ADGRA3: variants seen among roughly 807,000 people sequenced by gnomAD.
The protein encoded by ADGRA3 is adhesion G protein-coupled receptor A3.
Under a neutral mutation model 119.8 loss-of-function variants are expected in ADGRA3, and 56 were observed. The ratio of observed to expected loss-of-function variants is 0.47; its 90% CI spans 0.38 to 0.58. The LOEUF is 0.58. Ranked by LOEUF, ADGRA3 falls within the 20% of genes least tolerant of loss-of-function variation. The pLI is 0.00. For missense variants in ADGRA3, 1,516 were observed against 1,649.0 expected (o/e 0.92, Z 1.40); for synonymous variants, 607 against 623.8 (o/e 0.97, Z 0.40).
At chr4:22,416,286 T>A (rs1478605897) in intron 12 of ADGRA3, among the ~76,000 whole-genome samples, 1 of 152,130 alleles carries the variant, frequency 6.6e-6, no homozygotes, top group Non-Finnish European at 1.5e-5. Flanking sequence ...TGGAAACAGA[T>A]AACAAACACA....
At chr4:22,468,319 C>T (rs561168801) in intron 2 of ADGRA3, among the ~76,000 whole-genome samples, 12 of 152,300 alleles carry the variant, frequency 7.9e-5, no homozygotes, top group South Asian at 2.1e-4. Flanking sequence ...ATTACCTTAG[C>T]GGCCTAGGGG....
At chr4:22,437,206 G>T (rs1294918134) in intron 8 of ADGRA3, among the ~76,000 whole-genome samples, 1 of 152,044 alleles carries the variant, frequency 6.6e-6, no homozygotes, top group East Asian at 1.9e-4. Flanking sequence ...AAATATTATA[G>T]ATCAATACCT....
chr4:22,464,807 T>TC (rs1717597477), intron 2 of ADGRA3, among the ~76,000 whole-genome samples: 2 of 152,290 alleles, frequency 1.3e-5, no homozygotes, highest in East Asian at 3.9e-4. Flanking sequence ...CTCCCAGCAG[T>TC]CCCCAGTATC....
rs539392479 is a variant in ADGRA3, at chr4:22,515,497, G to A, written c.257+31C>T. On this transcript the variant is annotated intron_variant, in intron 1 of 18. Transcript: ENST00000334304. Reference sequence around the variant, plus strand: ...GGAGAGATAAGAAAGAGCCGAGCGGGAGAGGACCCAGCGTCGCGGGAGATA... The same window carrying A: ...GGAGAGATAAGAAAGAGCCGAGCGGAAGAGGACCCAGCGTCGCGGGAGATA... 1.8e-5 allele frequency: 28 copies of A among 1,597,262 alleles called. No individual in the cohort carries two copies. The Middle Eastern group carries it at 6.7e-4, about 38-fold the overall frequency.
intron 14 of ADGRA3, among the ~76,000 whole-genome samples, chr4:22,412,260 A>G (rs1242572690): frequency 6.6e-6 from 1 of 152,128 alleles, no homozygotes; most frequent in East Asian, 1.9e-4. Context: ...CCTTGATGTC[A>G]GTATTTATAA....
At chr4:22,504,949 T>C (rs1719186419) in intron 1 of ADGRA3, among the ~76,000 whole-genome samples, 1 of 152,138 alleles carries the variant, frequency 6.6e-6, no homozygotes, top group African/African-American at 2.4e-5. Flanking sequence ...TTCTGTTGAT[T>C]CAAACGCAAG....
At chr4:22,511,050 A>G (rs1480329438) in intron 1 of ADGRA3, among the ~76,000 whole-genome samples, 1 of 152,160 alleles carries the variant, frequency 6.6e-6, no homozygotes, top group Non-Finnish European at 1.5e-5. Context: ...AACTCTACAC[A>G]CTATTTTAGT....
At chr4:22,513,347 G>A (rs1032968398) in intron 1 of ADGRA3, among the ~76,000 whole-genome samples, 2 of 151,618 alleles carry the variant, frequency 1.3e-5, no homozygotes, top group Admixed American at 1.3e-4. Flanking sequence ...TAGAGATGGG[G>A]CTTTAAGCAT....
chr4:22,471,979 A>G (rs1011162902), intron 2 of ADGRA3, among the ~76,000 whole-genome samples: 15 of 152,176 alleles, frequency 9.9e-5, no homozygotes, highest in African/African-American at 3.6e-4. Context: ...GTAGTAATTC[A>G]CACCACAGCA....
intron 10 of ADGRA3, among the ~76,000 whole-genome samples, chr4:22,432,143 A>C (rs2109054762): frequency 6.6e-6 from 1 of 152,290 alleles, no homozygotes; most frequent in African/African-American, 2.4e-5. Context: ...CCACCTAAAA[A>C]AAAATTAAAG....
At chr4:22,423,426 C>T (rs1282732176) in intron 11 of ADGRA3, among the ~76,000 whole-genome samples, 1 of 152,042 alleles carries the variant, frequency 6.6e-6, no homozygotes, top group East Asian at 1.9e-4. Context: ...ATATTCTACA[C>T]TATGTCAGCC....
chr4:22,430,210 G>T (rs1028753836), intron 10 of ADGRA3, among the ~76,000 whole-genome samples: 2 of 152,078 alleles, frequency 1.3e-5, no homozygotes, highest in Non-Finnish European at 2.9e-5. Flanking sequence ...CATGAAAATG[G>T]ACTAATACAG....
intron 1 of ADGRA3, among the ~76,000 whole-genome samples, chr4:22,493,503 G>A (rs1718701861): frequency 6.6e-6 from 1 of 152,156 alleles, no homozygotes; most frequent in South Asian, 2.1e-4. Flanking sequence ...TTGTGGTGCT[G>A]TTTTGATAGT....
chr4:22,393,871 T>C (rs1156858917), intron 16 of ADGRA3: 3 of 152,178 alleles, frequency 2.0e-5, no homozygotes, highest in African/African-American at 7.2e-5. Flanking sequence ...TGGGATATAA[T>C]AGGTGCTCAG....
intron 1 of ADGRA3, among the ~76,000 whole-genome samples, chr4:22,504,897 G>A (rs1426487412): frequency 6.6e-6 from 1 of 152,046 alleles, no homozygotes; most frequent in Non-Finnish European, 1.5e-5. Flanking sequence ...CAATACATCA[G>A]AACATGAAGT....
chr4:22,398,419 G>C (rs1714461130), intron 16 of ADGRA3, among the ~76,000 whole-genome samples: 1 of 152,024 alleles, frequency 6.6e-6, no homozygotes, highest in Non-Finnish European at 1.5e-5. Flanking sequence ...AGTATGATAA[G>C]TACATAAGAA....
chr4:22,487,668 G>C (rs1281770878), intron 1 of ADGRA3, among the ~76,000 whole-genome samples: 1 of 152,176 alleles, frequency 6.6e-6, no homozygotes, highest in African/African-American at 2.4e-5. Flanking sequence ...TCACCAACAA[G>C]AGAGCCACAG....
chr4:22,436,111 A>G (rs572144353), intron 9 of ADGRA3, among the ~76,000 whole-genome samples: 1 of 152,298 alleles, frequency 6.6e-6, no homozygotes, highest in Admixed American at 6.5e-5. Flanking sequence ...AATCGCTTTC[A>G]ACAAAGTGAT....
chr4:22,470,318 A>AT (rs1049758518), intron 2 of ADGRA3, among the ~76,000 whole-genome samples: 4 of 88,666 alleles, frequency 4.5e-5, no homozygotes, highest in East Asian at 5.4e-4. Flanking sequence ...AAGCTCCTAA[A>AT]TTAAAAAAAA....
Sources: allele counts gnomAD v4.1 joint callset (sites outside exome capture counted in the v4.1 genomes callset), GRCh38; gene constraint gnomAD v4.1.1; transcripts MANE v1.5; gene names NCBI Gene and HGNC (gene_info 2026-07-23, HGNC 2026-07-21).